DTNBP1: variants seen among roughly 807,000 people sequenced by gnomAD.
DTNBP1 encodes the protein dysbindin.
DTNBP1 carries 35 observed loss-of-function variants against 42.8 expected under a neutral mutation model. That is an observed-to-expected ratio of 0.82 (90% CI 0.63 to 1.09). The LOEUF (loss-of-function observed/expected upper bound fraction) is 1.09, where lower values mean the gene tolerates loss of function less well. DTNBP1 is among the 50% of genes least tolerant of loss of function. DTNBP1 has a pLI of 0.00. For missense variants in DTNBP1, 457 were observed against 424.2 expected, an observed-to-expected ratio of 1.08 and a Z score of -0.68; for synonymous variants, 171 against 162.2, an observed-to-expected ratio of 1.05 and a Z score of -0.41.
At chr6:15,585,530 T>C (rs547437294) in intron 7 of DTNBP1, among the ~76,000 whole-genome samples, 115 of 152,114 alleles carry the variant, frequency 7.6e-4, no homozygotes, top group African/African-American at 2.5e-3. Flanking sequence ...TTGTTGGTAA[T>C]AGAAAGAACT....
At chr6:15,523,958 T>G (rs543529188) in intron 9 of DTNBP1, 4 of 1,287,358 alleles carry the variant, frequency 3.1e-6, no homozygotes, top group Non-Finnish European at 4.0e-6. Flanking sequence ...AGAACTGGTC[T>G]GAAATTTGAA....
chr6:15,552,391 G>T (rs1181562489), intron 7 of DTNBP1, among the ~76,000 whole-genome samples: 2 of 152,154 alleles, frequency 1.3e-5, no homozygotes, highest in Non-Finnish European at 2.9e-5. Flanking sequence ...AATATTGAGG[G>T]TTTATTTAGA....
At chr6:15,623,123 A>AAGG (rs1352846034) in intron 5 of DTNBP1, among the ~76,000 whole-genome samples, 1 of 152,208 alleles carries the variant, frequency 6.6e-6, no homozygotes, top group Admixed American at 6.5e-5. Flanking sequence ...GGAACAAATG[A>AAGG]GATCTATGTA....
intron 7 of DTNBP1, among the ~76,000 whole-genome samples, chr6:15,568,556 T>TC (rs1775199567): frequency 6.6e-6 from 1 of 150,678 alleles, no homozygotes; most frequent in South Asian, 2.1e-4. Context: ...TATACACGAA[T>TC]TTTTTTTTTC....
At chr6:15,540,697 A>G (rs1029042998) in intron 7 of DTNBP1, among the ~76,000 whole-genome samples, 3 of 152,162 alleles carry the variant, frequency 2.0e-5, no homozygotes, top group South Asian at 2.1e-4. Context: ...GCTGGAGTGC[A>G]GTGGCGCGAT....
intron 7 of DTNBP1, among the ~76,000 whole-genome samples, chr6:15,556,175 T>TA (rs1774506812): frequency 6.6e-6 from 1 of 151,890 alleles, no homozygotes; most frequent in South Asian, 2.1e-4. Context: ...AATAGGGAGT[T>TA]AAAAAATCTT....
chr6:15,569,548 C>T lies in DTNBP1; in HGVS notation c.511+23511G>A, dbSNP rs547223809. 5.9e-3 allele frequency among the ~76,000 whole-genome samples: 900 copies of T among 152,230 alleles called. 11 individuals carry two copies. The highest frequency in any genetic ancestry group is 0.021 in the African/African-American group (854 of 41,516). The stretch of plus-strand genomic sequence containing the variant: ...GGTTTCCTCCCATCTCCTCTTTCAG[C>T]TGCTCTATAATTACTAAACTCCTTC... On this transcript the variant is annotated intron_variant, in intron 7 of 9. Coordinates refer to ENST00000344537, the MANE Select transcript of DTNBP1 (RefSeq NM_032122.5).
chr6:15,594,925 A>G (rs1776447565), intron 6 of DTNBP1, among the ~76,000 whole-genome samples: 2 of 152,178 alleles, frequency 1.3e-5, no homozygotes, highest in African/African-American at 4.8e-5. Flanking sequence ...CCCAAATACT[A>G]ACAACCATAA....
intron 7 of DTNBP1, chr6:15,585,834 C>T: frequency 6.7e-7 from 1 of 1,495,822 alleles, no homozygotes; most frequent in Admixed American, 2.1e-5. Flanking sequence ...CAGGCAGCTG[C>T]CCTCACGTGC....
chr6:15,558,316 G>C (rs1774642978), intron 7 of DTNBP1, among the ~76,000 whole-genome samples: 3 of 150,802 alleles, frequency 2.0e-5, no homozygotes, highest in East Asian at 3.9e-4. Flanking sequence ...CGCCAGGCTG[G>C]AGTGCAGTGG....
At chr6:15,543,935 C>CTTCCTTGTCTGGTGTGCT (rs1773727211) in intron 7 of DTNBP1, among the ~76,000 whole-genome samples, 1 of 152,148 alleles carries the variant, frequency 6.6e-6, no homozygotes, top group Non-Finnish European at 1.5e-5. Flanking sequence ...GAATAAGACC[C>CTTCCTTGTCTGGTGTGCT]CTTCCCCTTC....
chr6:15,526,793 G>A (rs1458630977), intron 8 of DTNBP1, among the ~76,000 whole-genome samples: 1 of 152,190 alleles, frequency 6.6e-6, no homozygotes, highest in Non-Finnish European at 1.5e-5. Context: ...TTGAAAGTTT[G>A]TCTGTGCCAT....
chr6:15,641,977 C>A (rs1011602226), intron 3 of DTNBP1, among the ~76,000 whole-genome samples: 20 of 152,214 alleles, frequency 1.3e-4, no homozygotes, highest in African/African-American at 4.8e-4. Context: ...TCCCCCTACA[C>A]TGTTGCTGAT....
chr6:15,601,715 G>A (rs1428902561), intron 6 of DTNBP1, among the ~76,000 whole-genome samples: 2 of 151,786 alleles, frequency 1.3e-5, no homozygotes, highest in Admixed American at 6.6e-5. Flanking sequence ...GTGTGGTGGC[G>A]CATGCCTGTA....
At chr6:15,600,199 GCA>G (rs1776675767) in intron 6 of DTNBP1, among the ~76,000 whole-genome samples, 1 of 152,172 alleles carries the variant, frequency 6.6e-6, no homozygotes, top group South Asian at 2.1e-4. Flanking sequence ...TGGCACCCAA[GCA>G]CAGAGTACAG....
intron 7 of DTNBP1, among the ~76,000 whole-genome samples, chr6:15,564,402 CCTTT>C (rs889807727): frequency 5.5e-4 from 84 of 152,066 alleles, no homozygotes; most frequent in African/African-American, 1.9e-3. Context: ...AAAAATTTTT[CCTTT>C]CTTTTTTTTT....
At chr6:15,543,931 G>T (rs1773726565) in intron 7 of DTNBP1, among the ~76,000 whole-genome samples, 1 of 152,160 alleles carries the variant, frequency 6.6e-6, no homozygotes, top group Non-Finnish European at 1.5e-5. Flanking sequence ...TTAGGAATAA[G>T]ACCCCTTCCC....
chr6:15,638,710 T>C (rs1234572525), intron 3 of DTNBP1, among the ~76,000 whole-genome samples: 1 of 152,162 alleles, frequency 6.6e-6, no homozygotes, highest in Admixed American at 6.5e-5. Flanking sequence ...CCTCCTGATG[T>C]GATGCACTGG....
At chr6:15,613,322 A>AG (rs1758525108) in intron 6 of DTNBP1, among the ~76,000 whole-genome samples, 1 of 134,758 alleles carries the variant, frequency 7.4e-6, no homozygotes, top group African/African-American at 2.7e-5. Context: ...AAAAAAAAAA[A>AG]AAAAAAAAAA....
Sources: gnomAD v4.1 joint callset for allele counts (sites outside exome capture counted in the v4.1 genomes callset) on GRCh38, gnomAD v4.1.1 for gene constraint, MANE v1.5 for transcripts, NCBI Gene and HGNC (gene_info 2026-07-23, HGNC 2026-07-21) for gene names.